SRGAP2: variants seen among roughly 807,000 people sequenced by gnomAD.
The protein encoded by SRGAP2 is SLIT-ROBO Rho GTPase activating protein 2.
In SRGAP2, 15 loss-of-function variants were observed where a neutral mutation model predicts 57.2. That is an observed-to-expected ratio of 0.26 (90% CI 0.18 to 0.40). The LOEUF (loss-of-function observed/expected upper bound fraction) is 0.40. SRGAP2 is among the 10% of genes least tolerant of loss of function. The pLI, the probability that SRGAP2 is intolerant of heterozygous loss-of-function variation, is 1.00. For missense variants in SRGAP2, 520 were observed against 669.6 expected (o/e 0.78, Z 2.47); for synonymous variants, 249 against 248.0 (o/e 1.00, Z -0.04).
chr1:206,454,231 A>G lies in SRGAP2; in HGVS notation c.2361-647A>G. 1 of 701,986 alleles carries G rather than the reference A, an allele frequency of 1.4e-6. No individual in the cohort carries two copies. Among genetic ancestry groups the G allele is most frequent in the Admixed American group, 2.0e-5 (1 of 49,972 alleles). The allele number at this position is 701,986 out of a possible 1,614,324, so 43.5% of individuals were successfully genotyped here. A position where few individuals can be genotyped will look rare whatever the true frequency, so the allele number is the denominator to read the frequency against. On this transcript the variant is annotated intron_variant, in intron 20 of 22. Transcript: ENST00000573034. This position sits in a 1 kb window ranked among gnomAD's most constrained non-coding sequence, Gnocchi z 4.3. ...CCTCCCTCTGTTGATAGCATCGCAA[A>G]CCTGGTGGCAATCTGTGCGTGGACA... is the stretch of plus-strand genomic sequence containing the variant.
chr1:206,266,540 A>ACCT, intron 2 of SRGAP2, among the ~76,000 whole-genome samples: 1 of 151,962 alleles, frequency 6.6e-6, no homozygotes, highest in South Asian at 2.1e-4. Flanking sequence ...ACCACGCCCG[A>ACCT]CCTTCTGTAT....
At chr1:206,447,551 T>C (rs1662868170) in intron 18 of SRGAP2, among the ~76,000 whole-genome samples, 1 of 152,200 alleles carries the variant, frequency 6.6e-6, no homozygotes, top group Admixed American at 6.5e-5. Context: ...GAAAGCTTTT[T>C]GTCACCGACA....
intron 2 of SRGAP2, among the ~76,000 whole-genome samples, chr1:206,285,039 C>T (rs1199217188): frequency 2.0e-5 from 3 of 150,290 alleles, no homozygotes; most frequent in Non-Finnish European, 3.0e-5. Flanking sequence ...GCCATGATTG[C>T]GGTTAGCAGT....
chr1:206,338,921 C>G (rs1553334395), intron 3 of SRGAP2, among the ~76,000 whole-genome samples: 1 of 150,878 alleles, frequency 6.6e-6, no homozygotes, highest in African/African-American at 2.5e-5. Context: ...ACTTATTATA[C>G]TGTCAGTCAA....
intron 4 of SRGAP2, among the ~76,000 whole-genome samples, chr1:206,369,810 T>C (rs1251362021): frequency 6.6e-6 from 1 of 152,200 alleles, no homozygotes; most frequent in Non-Finnish European, 1.5e-5. Flanking sequence ...CTGGTAAGAT[T>C]GTGAAATGGT....
chr1:206,330,786 G>GT (rs1231411262), intron 3 of SRGAP2, among the ~76,000 whole-genome samples: 7 of 66,336 alleles, frequency 1.1e-4, no homozygotes, highest in African/African-American at 3.5e-4. Context: ...TTTTTGAAGG[G>GT]TTTTTTGTGT....
chr1:206,373,683 C>T (rs529409747), intron 4 of SRGAP2, among the ~76,000 whole-genome samples: 2,902 of 60,990 alleles, frequency 0.048, 262 homozygotes, highest in African/African-American at 0.17. Flanking sequence ...TGCAGTGAGC[C>T]GAGATGGCGC....
chr1:206,396,440 CA>C (rs1657601799), intron 7 of SRGAP2, among the ~76,000 whole-genome samples: 1 of 143,978 alleles, frequency 6.9e-6, no homozygotes, highest in Non-Finnish European at 1.5e-5. Context: ...TAGTAGTTCT[CA>C]CCCTAGAGGT....
intron 4 of SRGAP2, among the ~76,000 whole-genome samples, chr1:206,363,375 C>A (rs549768443): frequency 1.8e-4 from 28 of 151,592 alleles, no homozygotes; most frequent in Non-Finnish European, 3.8e-4. Flanking sequence ...TACCCTTAAC[C>A]CAAATTCCCC....
chr1:206,262,627 A>C lies in SRGAP2; in HGVS notation c.68-40654A>C, dbSNP rs547482895. On this transcript the variant is annotated intron_variant, in intron 2 of 22. Coordinates refer to ENST00000573034, the MANE Select transcript of SRGAP2 (RefSeq NM_015326.5). ...AGAGACTGACTGGTGGAGATTAAAA[A>C]AAAAAAAAGCTTGTCTGGCAGGAAT... is the stretch of plus-strand genomic sequence containing the variant. Among the ~76,000 whole-genome samples the C allele has an allele frequency of 2.9e-3, 438 of 149,904 alleles. 1 individual carries two copies. Among genetic ancestry groups the C allele is most frequent in the African/African-American group, 0.01 (425 of 41,032 alleles).
At chr1:206,356,777 A>T in intron 4 of SRGAP2, among the ~76,000 whole-genome samples, 3 of 140,064 alleles carry the variant, frequency 2.1e-5, no homozygotes, top group African/African-American at 5.4e-5. Context: ...GTTTTTTTTC[A>T]TTTTCATCTT....
At chr1:206,333,424 A>C in intron 3 of SRGAP2, 1 of 1,378,504 alleles carries the variant, frequency 7.3e-7, no homozygotes, top group Non-Finnish European at 1.0e-6. Flanking sequence ...TCAAGGTATC[A>C]CTGAGATTAT....
chr1:206,254,179 GT>G (rs373417477), intron 2 of SRGAP2, among the ~76,000 whole-genome samples: 832 of 47,020 alleles, frequency 0.018, 21 homozygotes, highest in Non-Finnish European at 0.025. Flanking sequence ...TGCTTTTTCT[GT>G]TTTTTTTTTT....
At chr1:206,347,658 A>G (rs1458502667) in intron 4 of SRGAP2, among the ~76,000 whole-genome samples, 1 of 151,186 alleles carries the variant, frequency 6.6e-6, no homozygotes, top group African/African-American at 2.5e-5. Flanking sequence ...CTAGAATCCA[A>G]CGTTTTCATC....
intron 2 of SRGAP2, among the ~76,000 whole-genome samples, chr1:206,272,612 A>G (rs1571732447): frequency 6.6e-6 from 1 of 151,566 alleles, no homozygotes; most frequent in Non-Finnish European, 1.5e-5. Flanking sequence ...GGGTTTCACC[A>G]TGTTTGCCAG....
intron 4 of SRGAP2, among the ~76,000 whole-genome samples, chr1:206,347,587 A>G (rs1369132214): frequency 2.7e-5 from 4 of 150,642 alleles, no homozygotes; most frequent in Non-Finnish European, 5.9e-5. Flanking sequence ...AGAAAAAAAG[A>G]AGAGAGAGAG....
intron 22 of SRGAP2, among the ~76,000 whole-genome samples, chr1:206,460,828 GAA>G (rs34842494): frequency 5.2e-4 from 79 of 151,506 alleles, no homozygotes; most frequent in African/African-American, 1.6e-3. Context: ...TTTTCTAAAG[GAA>G]AAAAAAAAAT....
intron 8 of SRGAP2, among the ~76,000 whole-genome samples, chr1:206,402,881 AAGG>A (rs1465774889): frequency 7.2e-6 from 1 of 139,016 alleles, no homozygotes; most frequent in African/African-American, 2.7e-5. Flanking sequence ...CTACCAAAAA[AAGG>A]AGGAGTGGAC....
intron 3 of SRGAP2, among the ~76,000 whole-genome samples, chr1:206,322,508 AG>A (rs1289178762): frequency 6.8e-6 from 1 of 146,746 alleles, no homozygotes; most frequent in African/African-American, 2.5e-5. Flanking sequence ...TGAACCCGGG[AG>A]GTGGAGCTTG....
Sources: gnomAD v4.1 joint callset for allele counts (sites outside exome capture counted in the v4.1 genomes callset) on GRCh38, gnomAD v4.1.1 for gene constraint, Gnocchi (gnomAD v3.1) non-coding constraint, MANE v1.5 for transcripts, NCBI Gene and HGNC (gene_info 2026-07-23, HGNC 2026-07-21) for gene names.